GRIK1: variants seen among roughly 807,000 people sequenced by gnomAD.
The protein encoded by GRIK1 is glutamate receptor ionotropic, kainate 1.
A neutral mutation model predicts 105.7 loss-of-function variants in GRIK1; 69 were observed. That is an observed-to-expected ratio of 0.65 (90% CI 0.54 to 0.80). GRIK1 has a LOEUF of 0.80. Ranked by LOEUF, GRIK1 falls within the 30% of genes least tolerant of loss-of-function variation. The pLI, the probability that GRIK1 is intolerant of heterozygous loss-of-function variation, is 0.00. For synonymous variants in GRIK1, 438 were observed against 431.3 expected, an observed-to-expected ratio of 1.02 and a Z score of -0.19; for missense variants, 1,109 against 1,167.3, an observed-to-expected ratio of 0.95 and a Z score of 0.73.
At chr21:29,733,745 G>A (rs1464213267) in intron 1 of GRIK1, among the ~76,000 whole-genome samples, 9 of 152,024 alleles carry the variant, frequency 5.9e-5, no homozygotes, top group Middle Eastern at 3.4e-3. Flanking sequence ...CTCTGTTAGC[G>A]TTTATAGATG....
Position 29,762,852 on chromosome 21 carries a change from G to A in GRIK1, c.119-68789C>T, listed in dbSNP as rs114281543. Among the ~76,000 whole-genome samples, 913 of 152,290 alleles carry A rather than the reference G, an allele frequency of 6.0e-3. 5 individuals carry two copies. Among genetic ancestry groups the A allele is most frequent in the African/African-American group, 0.021 (865 of 41,546 alleles). On this transcript the variant is annotated intron_variant, in intron 1 of 17. Coordinates refer to ENST00000327783, the MANE Select transcript of GRIK1 (RefSeq NM_001330994.2). ...ATAAATTCCTGTCAACGTGTTCAAT[G>A]TAGTACTTGAAATGAAATACTGGAT...
In GRIK1 at chr21:29,721,558, A is replaced by G. The variant is rs570843051; in HGVS notation, c.119-27495T>C. Among the ~76,000 whole-genome samples, 13 of 152,092 alleles carry G rather than the reference A, an allele frequency of 8.5e-5. No individual in the cohort carries two copies. In the South Asian group the frequency reaches 2.7e-3, roughly 32 times the overall value. On this transcript the variant is annotated intron_variant, in intron 1 of 17. Transcript: ENST00000327783. Reference sequence around the variant, plus strand: ...CAAGTGACTAAAAAGCAATCAATGGACAATAGAAAGAGAATGAATGAGAGT... The same window carrying G: ...CAAGTGACTAAAAAGCAATCAATGGGCAATAGAAAGAGAATGAATGAGAGT...
intron 1 of GRIK1, among the ~76,000 whole-genome samples, chr21:29,866,261 AT>A (rs1214022394): frequency 6.6e-6 from 1 of 152,104 alleles, no homozygotes; most frequent in East Asian, 1.9e-4. Context: ...AACTTTTGTA[AT>A]TTTTTGTAGA....
chr21:29,743,142 T>C (rs2077359836), intron 1 of GRIK1, among the ~76,000 whole-genome samples: 1 of 152,126 alleles, frequency 6.6e-6, no homozygotes, highest in African/African-American at 2.4e-5. Context: ...AACTCCCAAA[T>C]AAATACATGT....
intron 1 of GRIK1, among the ~76,000 whole-genome samples, chr21:29,776,723 AG>A (rs1291247914): frequency 3.3e-5 from 5 of 152,230 alleles, no homozygotes; most frequent in Non-Finnish European, 7.3e-5. Context: ...GACCTAAACA[AG>A]CAAATGTGGA....
intron 4 of GRIK1, among the ~76,000 whole-genome samples, chr21:29,666,437 TA>T (rs1184785841): frequency 6.6e-6 from 1 of 152,090 alleles, no homozygotes; most frequent in African/African-American, 2.4e-5. Context: ...GTTTATTAAT[TA>T]AAAAAAGAAA....
chr21:29,692,617 AGGCTGGAGTGCAGTGGTGCAATCTT>A (rs755264703), intron 2 of GRIK1, among the ~76,000 whole-genome samples: 145 of 152,318 alleles, frequency 9.5e-4, no homozygotes, highest in Non-Finnish European at 1.0e-4. Flanking sequence ...TCTGTCACCC[AGGCTGGAGTGCAGTGGTGCAATCTT>A]GGCTTACTTC....
At chr21:29,580,009 ATATATATGTG>A (rs1381770033) in intron 13 of GRIK1, among the ~76,000 whole-genome samples, 8 of 125,012 alleles carry the variant, frequency 6.4e-5, no homozygotes, top group Admixed American at 6.4e-4. Flanking sequence ...ATATATATGT[ATATATATGTG>A]TATATATGTA....
At chr21:29,659,255 AAAT>A (rs2062914389) in intron 4 of GRIK1, among the ~76,000 whole-genome samples, 1 of 152,204 alleles carries the variant, frequency 6.6e-6, no homozygotes, top group Non-Finnish European at 1.5e-5. Flanking sequence ...GGGACAAGTC[AAAT>A]AATTTTTCCC....
At chr21:29,646,243 A>G (rs1486018768) in intron 6 of GRIK1, among the ~76,000 whole-genome samples, 1 of 152,128 alleles carries the variant, frequency 6.6e-6, no homozygotes, top group East Asian at 1.9e-4. Flanking sequence ...CTCCATGCCT[A>G]TGTGACCCAT....
intron 15 of GRIK1, among the ~76,000 whole-genome samples, chr21:29,560,496 TTTCCTTCCTTCC>T (rs772236978): frequency 0.059 from 1,775 of 29,942 alleles, 150 homozygotes; most frequent in South Asian, 0.077. Flanking sequence ...TCTTTCTTTC[TTTCCTTCCTTCC>T]TTCCTTCCTT....
chr21:29,596,460 A>C (rs1336690974), intron 9 of GRIK1, 66 bp downstream of exon 9: 5 of 1,015,872 alleles, frequency 4.9e-6, no homozygotes, highest in African/African-American at 1.6e-5. Context: ...GGAAGGGCAC[A>C]GGCCTTTCCA....
intron 7 of GRIK1, chr21:29,630,829 T>C: frequency 2.8e-6 from 1 of 350,958 alleles, no homozygotes; most frequent in Non-Finnish European, 5.5e-6. Flanking sequence ...TCTCTTGTTC[T>C]CTCTCTGTCA....
At chr21:29,837,854 C>A (rs762113560) in intron 1 of GRIK1, among the ~76,000 whole-genome samples, 5 of 152,080 alleles carry the variant, frequency 3.3e-5, no homozygotes, top group African/African-American at 1.2e-4. Context: ...TCCAAAGCCC[C>A]GAGTGTGGAG....
chr21:29,774,277 A>C (rs2065887517), intron 1 of GRIK1, among the ~76,000 whole-genome samples: 1 of 152,184 alleles, frequency 6.6e-6, no homozygotes, highest in Non-Finnish European at 1.5e-5. Context: ...TACAACTTCA[A>C]CATATTATTC....
intron 1 of GRIK1, among the ~76,000 whole-genome samples, chr21:29,801,637 G>A (rs758810182): frequency 3.9e-5 from 6 of 152,148 alleles, no homozygotes; most frequent in Non-Finnish European, 7.4e-5. Flanking sequence ...GGGCTGTGAA[G>A]TTCTGCAACT....
chr21:29,573,850 C>CT (rs1178082246), intron 14 of GRIK1, among the ~76,000 whole-genome samples: 2 of 130,860 alleles, frequency 1.5e-5, no homozygotes, highest in Admixed American at 7.8e-5. Flanking sequence ...AAGACTCCGT[C>CT]TGGAAAAAAA....
chr21:29,596,140 T>A (rs1488273062), intron 9 of GRIK1: 2 of 350,930 alleles, frequency 5.7e-6, no homozygotes, highest in Non-Finnish European at 1.1e-5. Flanking sequence ...GTCTCATGGA[T>A]CAAATCTATT....
intron 1 of GRIK1, among the ~76,000 whole-genome samples, chr21:29,842,357 A>G (rs919777546): frequency 2.0e-5 from 3 of 152,154 alleles, no homozygotes; most frequent in Non-Finnish European, 4.4e-5. Flanking sequence ...GCTTATGTTC[A>G]TTCTTAGGAA....
Sources: gnomAD v4.1 joint callset for allele counts (sites outside exome capture counted in the v4.1 genomes callset) on GRCh38, gnomAD v4.1.1 for gene constraint, MANE v1.5 for transcripts, NCBI Gene and HGNC (gene_info 2026-07-23, HGNC 2026-07-21) for gene names.